SERINC1: variants seen among roughly 807,000 people sequenced by gnomAD.
SERINC1 encodes the protein serine incorporator 1.
A neutral mutation model predicts 52.9 loss-of-function variants in SERINC1; 38 were observed. The ratio of observed to expected loss-of-function variants is 0.72; its 90% CI spans 0.55 to 0.94. SERINC1 has a LOEUF of 0.94. SERINC1 is among the 40% of genes least tolerant of loss of function. SERINC1 has a pLI of 0.00. For missense variants in SERINC1, 471 were observed against 533.9 expected, an observed-to-expected ratio of 0.88 and a Z score of 1.16; for synonymous variants, 198 against 183.1, an observed-to-expected ratio of 1.08 and a Z score of -0.66.
intron 1 of SERINC1, among the ~76,000 whole-genome samples, chr6:122,469,876 A>C (rs996029805): frequency 6.6e-6 from 1 of 152,162 alleles, no homozygotes; most frequent in African/African-American, 2.4e-5. Flanking sequence ...ACTTTTGAAA[A>C]GCTGAATAAA....
intron 1 of SERINC1, among the ~76,000 whole-genome samples, chr6:122,462,336 T>A (rs1213776316): frequency 6.6e-6 from 1 of 152,174 alleles, no homozygotes; most frequent in Non-Finnish European, 1.5e-5. Context: ...CTCTCACCAT[T>A]TGAATTCAAC....
intron 1 of SERINC1, among the ~76,000 whole-genome samples, chr6:122,461,031 G>A (rs916651205): frequency 1.3e-5 from 2 of 152,060 alleles, no homozygotes; most frequent in African/African-American, 4.8e-5. Flanking sequence ...ATAAAAATAA[G>A]AAAAGGATCA....
chr6:122,467,074 C>T lies in SERINC1; in HGVS notation c.39+4625G>A, dbSNP rs146086672. On this transcript the variant is annotated intron_variant, in intron 1 of 9. Transcript: ENST00000339697. ...AAGGAGCATTATACCAAAACATGGT[C>T]GTCAACCAAATGAATACAAGCAATG... Among the ~76,000 whole-genome samples, 465 of 152,152 alleles carry T rather than the reference C, an allele frequency of 3.1e-3. 2 individuals are homozygous for T. The highest frequency in any genetic ancestry group is 0.011 in the African/African-American group (440 of 41,510).
chr6:122,458,484 G>C, intron 2 of SERINC1, 36 bp downstream of exon 2: 1 of 1,498,344 alleles, frequency 6.7e-7, no homozygotes, highest in Non-Finnish European at 9.3e-7. Flanking sequence ...ATACCCTATA[G>C]CCTCAGTTAA....
chr6:122,447,257 A>C lies in SERINC1; in HGVS notation c.859T>G (p.Cys287Gly). Reference protein sequence around the residue: ...SAMTNEPETNCNPSLLSIIGY... With the variant: ...SAMTNEPETNGNPSLLSIIGY... The stretch of plus-strand genomic sequence containing the variant: ...ATTATGCTTAGTAGACTTGGGTTGC[A>C]ATTTGTTTCTGTAATATAAAGCCAA... Residue 287 changes from cysteine to glycine, a missense_variant, in exon 8 of 10, where the codon TGC (cysteine) becomes GGC (glycine). Coordinates refer to ENST00000339697, the MANE Select transcript of SERINC1 (RefSeq NM_020755.4). 3.1e-6 allele frequency: 5 copies of C among 1,606,446 alleles called. No individual in the cohort carries two copies. The highest frequency in any genetic ancestry group is 4.3e-6 in the Non-Finnish European group (5 of 1,176,348).
intron 1 of SERINC1, among the ~76,000 whole-genome samples, chr6:122,470,347 G>A (rs1775261231): frequency 6.6e-6 from 1 of 152,132 alleles, no homozygotes; most frequent in African/African-American, 2.4e-5. Flanking sequence ...GGGAAAACAT[G>A]TATCTCATCT....
intron 9 of SERINC1, among the ~76,000 whole-genome samples, chr6:122,446,386 A>C (rs1482957027): frequency 1.3e-5 from 2 of 152,172 alleles, no homozygotes; most frequent in Non-Finnish European, 2.9e-5. Flanking sequence ...TAATGAATTC[A>C]TACTTAAATT....
At chr6:122,468,913 C>A (rs751680093) in intron 1 of SERINC1, among the ~76,000 whole-genome samples, 9 of 152,190 alleles carry the variant, frequency 5.9e-5, no homozygotes, top group Middle Eastern at 6.8e-3. Context: ...AAAATCAATT[C>A]TGTCTACTCA....
intron 2 of SERINC1, 149 bp downstream of exon 2, chr6:122,458,371 C>G (rs1775037733): frequency 4.1e-6 from 2 of 488,150 alleles, no homozygotes; most frequent in Non-Finnish European, 7.1e-6. Flanking sequence ...TGTATATTAT[C>G]TTTTTCCTAA....
At chr6:122,465,168 A>G (rs1201788694) in intron 1 of SERINC1, among the ~76,000 whole-genome samples, 2 of 152,192 alleles carry the variant, frequency 1.3e-5, no homozygotes, top group Non-Finnish European at 2.9e-5. Flanking sequence ...TTAACAGAGA[A>G]AGCTGAATTC....
At position 122,450,457 on chromosome 6, in the gene SERINC1, T is replaced by G. The variant is rs146170712; in HGVS notation, c.850+1207A>C. Among the ~76,000 whole-genome samples the G allele has an allele frequency of 2.6e-3, 399 of 152,316 alleles. 1 individual carries two copies. The highest frequency in any genetic ancestry group is 9.1e-3 in the African/African-American group (379 of 41,574). On this transcript the variant is annotated intron_variant, in intron 7 of 9. Transcript: ENST00000339697. The stretch of plus-strand genomic sequence containing the variant: ...CTCTGATAGAGATGTACAGGGAGAT[T>G]AATATTTTCATGTCTGCTAACACAG...
At chr6:122,449,161 T>A (rs1482989124) in intron 7 of SERINC1, among the ~76,000 whole-genome samples, 1 of 152,168 alleles carries the variant, frequency 6.6e-6, no homozygotes, top group South Asian at 2.1e-4. Context: ...CACAACCATA[T>A]GGAAATTAGG....
chr6:122,444,375 A>C lies in SERINC1; in HGVS notation c.*669T>G, dbSNP rs1774721726. ...CCTTGTCTAAATCCTTCAGAGTTCC[A>C]AACATTTCCACTGAACCCATACTTC... On this transcript the variant is annotated 3_prime_UTR_variant, in exon 10 of 10. Coordinates refer to ENST00000339697, the MANE Select transcript of SERINC1 (RefSeq NM_020755.4). The C allele has an allele frequency of 6.6e-6, 1 of 152,254 alleles. No individual in the cohort carries two copies. Among genetic ancestry groups the C allele is most frequent in the Non-Finnish European group, 1.5e-5 (1 of 68,062 alleles). 9.4% of individuals were successfully genotyped at this position (152,254 alleles called of 1,614,324 possible).
chr6:122,466,311 G>C (rs1775190638), intron 1 of SERINC1, among the ~76,000 whole-genome samples: 1 of 152,106 alleles, frequency 6.6e-6, no homozygotes, highest in Non-Finnish European at 1.5e-5. Context: ...GTTGTTGTTT[G>C]TTTTTTGAGA....
At chr6:122,453,302 AGTT>A (rs891714390) in intron 5 of SERINC1, among the ~76,000 whole-genome samples, 2 of 152,180 alleles carry the variant, frequency 1.3e-5, no homozygotes, top group Non-Finnish European at 1.5e-5. Flanking sequence ...GAATTCCTTT[AGTT>A]GTTATTGATG....
chr6:122,449,874 G>A (rs769687637), intron 7 of SERINC1, among the ~76,000 whole-genome samples: 1 of 152,116 alleles, frequency 6.6e-6, no homozygotes, highest in Non-Finnish European at 1.5e-5. Flanking sequence ...AAATTAGCTG[G>A]GTGTGGTGGC....
intron 1 of SERINC1, among the ~76,000 whole-genome samples, chr6:122,465,203 C>T (rs562462917): frequency 6.6e-6 from 1 of 152,044 alleles, no homozygotes; most frequent in African/African-American, 2.4e-5. Context: ...AAAAAGTTAA[C>T]GAGCAACACA....
intron 5 of SERINC1, among the ~76,000 whole-genome samples, chr6:122,453,345 A>G (rs530398735): frequency 1.3e-5 from 2 of 152,194 alleles, no homozygotes; most frequent in Non-Finnish European, 2.9e-5. Flanking sequence ...CACTTGAATA[A>G]AACATCCGAG....
Position 122,458,640 on chromosome 6 carries a change from T to C in SERINC1, c.81A>G (p.Arg27=). The change falls in exon 2 of 10, where the codon CGA becomes CGG. Residue 27 remains arginine (R), a synonymous_variant. Transcript: ENST00000339697. ...LCGSAPCLLC[R]CCPSGNNSTV... ...TGGAGTTGTTTCCACTAGGACAGCATCGGCATAGCAAACACGGGGCACTTC... is the reference window on the plus strand; with the variant it reads ...TGGAGTTGTTTCCACTAGGACAGCACCGGCATAGCAAACACGGGGCACTTC... The C allele has an allele frequency of 6.2e-7, 1 of 1,610,740 alleles. No homozygotes were observed.
Sources: gnomAD v4.1 joint callset for allele counts (sites outside exome capture counted in the v4.1 genomes callset) on GRCh38, gnomAD v4.1.1 for gene constraint, MANE v1.5 for transcripts, NCBI Gene and HGNC (gene_info 2026-07-23, HGNC 2026-07-21) for gene names.